The following CDH4 variants were observed in gnomAD, a reference collection of about 807,000 sequenced individuals.
CDH4 encodes the protein cadherin-4.
In CDH4, 33 loss-of-function variants were observed where a neutral mutation model predicts 86.0. The ratio of observed to expected loss-of-function variants is 0.38; its 90% CI spans 0.29 to 0.51. CDH4 has a LOEUF of 0.51. Among genes scored for constraint, CDH4 ranks in the 20% least tolerant of loss-of-function variants. CDH4 has a pLI of 0.86. For missense variants in CDH4, 1,114 were observed against 1,307.4 expected (o/e 0.85, Z 2.28); for synonymous variants, 555 against 549.4 (o/e 1.01, Z -0.14).
chr20:61,544,759 T>G lies in CDH4; in HGVS notation c.170-198804T>G, dbSNP rs1297394925. On this transcript the variant is annotated intron_variant, in intron 2 of 15. Transcript: ENST00000614565. The surrounding 1 kb of genome is among the most constrained non-coding windows in gnomAD (Gnocchi z 6.5). ...GTAAAACCACCTGAATGAATTGGCTTGGTCCATGGACTGGAAGCCTGACTC... is the reference window on the plus strand; with the variant it reads ...GTAAAACCACCTGAATGAATTGGCTGGGTCCATGGACTGGAAGCCTGACTC... Among the ~76,000 whole-genome samples the G allele has an allele frequency of 6.6e-6, 1 of 152,136 alleles. No homozygotes were observed. Among genetic ancestry groups the G allele is most frequent in the Non-Finnish European group, 1.5e-5 (1 of 68,036 alleles).
chr20:61,569,488 C>A (rs572985984), intron 2 of CDH4, among the ~76,000 whole-genome samples: 1 of 152,288 alleles, frequency 6.6e-6, no homozygotes, highest in Non-Finnish European at 1.5e-5. Flanking sequence ...TCTCAGAATA[C>A]ACACAATATT....
At chr20:61,293,844 G>A (rs2123188566) in intron 2 of CDH4, among the ~76,000 whole-genome samples, 1 of 152,212 alleles carries the variant, frequency 6.6e-6, no homozygotes, top group East Asian at 1.9e-4. Flanking sequence ...CCTCACCAGG[G>A]TGGCATCCTG....
chr20:61,641,868 T>C (rs1378987343), intron 2 of CDH4, among the ~76,000 whole-genome samples: 3 of 5,412 alleles, frequency 5.5e-4, no homozygotes, highest in Non-Finnish European at 1.0e-3. Flanking sequence ...TGGGATCAGA[T>C]GGGGCTGCCT....
At chr20:61,598,684 G>T (rs6061289) in intron 2 of CDH4, among the ~76,000 whole-genome samples, 8,634 of 152,272 alleles carry the variant, frequency 0.057, 828 homozygotes, top group African/African-American at 0.2. Context: ...TTTGCCGTCT[G>T]TGCCTTAGCC....
chr20:61,346,892 CG>C (rs1226864238), intron 2 of CDH4, among the ~76,000 whole-genome samples: 1 of 152,088 alleles, frequency 6.6e-6, no homozygotes, highest in Non-Finnish European at 1.5e-5. Context: ...ACTCCACGTA[CG>C]GGTGCCCCCC....
chr20:61,571,845 C>T (rs2086344368), intron 2 of CDH4, among the ~76,000 whole-genome samples: 1 of 150,842 alleles, frequency 6.6e-6, no homozygotes, highest in South Asian at 2.1e-4. Context: ...GCGCCAGGCA[C>T]CACACCATGC....
At position 61,407,350 on chromosome 20, in the gene CDH4, A is replaced by G. The variant is rs557068846; in HGVS notation, c.169+152413A>G. ...GTTCTGTCTCTTCCTTGAGCTTCTC[A>G]GCACCTGGCATCTAGCGGTTGATGC... is the stretch of plus-strand genomic sequence containing the variant. On this transcript the variant is annotated intron_variant, in intron 2 of 15. Transcript: ENST00000614565. Among the ~76,000 whole-genome samples, 5 of 152,306 alleles carry G rather than the reference A, an allele frequency of 3.3e-5. No individual in the cohort carries two copies. In the East Asian group the frequency reaches 9.7e-4, roughly 29 times the overall value.
In CDH4 at chr20:61,936,832, C is replaced by T. The variant is rs1005542783; in HGVS notation, c.2640C>T (p.Val880=). Residue 880 remains valine, a synonymous_variant, in exon 16 of 16, where the codon GTC becomes GTT. Transcript: ENST00000614565. ...YEGSGSTAGS[V]SSLNSSSSGD... is the part of the protein sequence containing the mutation. ...GGAGCGGCTCCACCGCAGGCTCCGT[C>T]AGCTCCCTGAACTCATCCAGTTCCG... is the stretch of plus-strand genomic sequence containing the variant. 2 of 1,611,022 alleles carry T rather than the reference C, an allele frequency of 1.2e-6. No individual in the cohort carries two copies.
chr20:61,355,041 G>C (rs1473296751), intron 2 of CDH4, among the ~76,000 whole-genome samples: 1 of 139,376 alleles, frequency 7.2e-6, no homozygotes, highest in Non-Finnish European at 1.6e-5. Context: ...TGGGGTTTTG[G>C]CTTCACACTC....
chr20:61,907,983 G>A (rs1023257749), intron 8 of CDH4, among the ~76,000 whole-genome samples: 4 of 152,160 alleles, frequency 2.6e-5, no homozygotes, highest in Admixed American at 6.5e-5. Flanking sequence ...TGATTGTATC[G>A]GGATGTGAAT....
chr20:61,872,506 C>G (rs1363918279), intron 6 of CDH4, among the ~76,000 whole-genome samples: 1 of 152,120 alleles, frequency 6.6e-6, no homozygotes, highest in Non-Finnish European at 1.5e-5. Context: ...CCACCCCGCA[C>G]CTGGCCCGCC....
chr20:61,566,671 A>G (rs1011427163), intron 2 of CDH4, among the ~76,000 whole-genome samples: 2 of 152,038 alleles, frequency 1.3e-5, no homozygotes, highest in East Asian at 1.9e-4. Flanking sequence ...GCAGTGGTAC[A>G]TATTTACCCA....
At chr20:61,315,396 C>T (rs2084470715) in intron 2 of CDH4, among the ~76,000 whole-genome samples, 1 of 152,108 alleles carries the variant, frequency 6.6e-6, no homozygotes, top group Non-Finnish European at 1.5e-5. Flanking sequence ...AAAGCTAGCC[C>T]TGGGGACAGG....
chr20:61,811,147 C>A lies in CDH4; in HGVS notation c.577-33521C>A, dbSNP rs1980414247. On this transcript the variant is annotated intron_variant, in intron 4 of 15. Coordinates refer to ENST00000614565, the MANE Select transcript of CDH4 (RefSeq NM_001794.5). This position sits in a 1 kb window ranked among gnomAD's most constrained non-coding sequence, Gnocchi z 4.4. ...GGAAGAACAACAGAAACCACATTTC[C>A]AAAAAACCAAACATCCCCAAACTCT... is the stretch of plus-strand genomic sequence containing the variant. 6.6e-6 allele frequency among the ~76,000 whole-genome samples: 1 copy of A among 152,186 alleles called. No individual in the cohort carries two copies. The highest frequency in any genetic ancestry group is 2.4e-5 in the African/African-American group (1 of 41,534).
intron 4 of CDH4, among the ~76,000 whole-genome samples, chr20:61,825,071 T>C (rs1316471239): frequency 6.6e-6 from 1 of 152,094 alleles, no homozygotes; most frequent in African/African-American, 2.4e-5. Context: ...GATTTTTTTT[T>C]CCTTTCATCC....
intron 11 of CDH4, 83 bp from the exon 12 acceptor site, chr20:61,928,107 T>C: frequency 9.5e-7 from 1 of 1,051,184 alleles, no homozygotes; most frequent in Admixed American, 1.7e-5. Context: ...CGTGGTTGTT[T>C]GTGTGCGTGT....
Position 61,829,979 on chromosome 20 carries a change from G to A in CDH4, c.577-14689G>A, listed in dbSNP as rs984505446. Among the ~76,000 whole-genome samples, 9 of 151,970 alleles carry A rather than the reference G, an allele frequency of 5.9e-5. No individual in the cohort carries two copies. The highest frequency in any genetic ancestry group is 2.0e-4 in the Admixed American group (3 of 15,270). ...GGTGGTTTGGTGTGTTTGGCAAGCCGACCCAAACTCCCATTACATGCTATG... is the reference window on the plus strand; with the variant it reads ...GGTGGTTTGGTGTGTTTGGCAAGCCAACCCAAACTCCCATTACATGCTATG... On this transcript the variant is annotated intron_variant, in intron 4 of 15. Transcript: ENST00000614565. The surrounding 1 kb of genome is among the most constrained non-coding windows in gnomAD (Gnocchi z 4.2).
intron 2 of CDH4, among the ~76,000 whole-genome samples, chr20:61,672,437 CAA>C (rs1237038577): frequency 6.6e-6 from 1 of 152,176 alleles, no homozygotes; most frequent in Non-Finnish European, 1.5e-5. Flanking sequence ...GAGCCCTCCG[CAA>C]AGTCAGACAC....
rs1337134602 is a variant in CDH4, at chr20:61,867,529, G to A, written c.878-6199G>A. On this transcript the variant is annotated intron_variant, in intron 6 of 15. Transcript: ENST00000614565. ...CATGCCACTGCCCTCCTGCCTGGGC[G>A]ACAGAGCAAGACTCCATCCAAAAAA... Among the ~76,000 whole-genome samples the A allele has an allele frequency of 6.3e-5, 9 of 142,758 alleles. No homozygotes were observed. The East Asian group carries it at 1.0e-3, about 16-fold the overall frequency. 93.7% of individuals were successfully genotyped at this position (142,758 alleles called of 152,430 possible). A position where few individuals can be genotyped will look rare whatever the true frequency, so the allele number is the denominator to read the frequency against.
Sources: allele counts gnomAD v4.1 joint callset (sites outside exome capture counted in the v4.1 genomes callset), GRCh38; gene constraint gnomAD v4.1.1; non-coding constraint Gnocchi (gnomAD v3.1); transcripts MANE v1.5; gene names NCBI Gene and HGNC (gene_info 2026-07-23, HGNC 2026-07-21).